The following GALNTL6 variants were observed in gnomAD, a reference collection of about 807,000 sequenced individuals.
GALNTL6 encodes the protein polypeptide N-acetylgalactosaminyltransferase-like 6.
GALNTL6 carries 46 observed loss-of-function variants against 73.7 expected under a neutral mutation model. The ratio of observed to expected loss-of-function variants is 0.62; its 90% CI spans 0.49 to 0.80. The LOEUF (loss-of-function observed/expected upper bound fraction) is 0.80, where lower values mean the gene tolerates loss of function less well. Among genes scored for constraint, GALNTL6 ranks in the 30% least tolerant of loss-of-function variants. The pLI is 0.00. For synonymous variants in GALNTL6, 259 were observed against 263.7 expected (o/e 0.98, Z 0.17); for missense variants, 604 against 755.0 (o/e 0.80, Z 2.34).
At chr4:172,545,352 G>A (rs771374784) in intron 5 of GALNTL6, among the ~76,000 whole-genome samples, 2 of 152,112 alleles carry the variant, frequency 1.3e-5, no homozygotes, top group Non-Finnish European at 2.9e-5. Flanking sequence ...GTGGGTAAGA[G>A]AACGTGAGTG....
intron 9 of GALNTL6, among the ~76,000 whole-genome samples, chr4:172,936,528 C>T (rs1355083675): frequency 1.3e-5 from 2 of 152,280 alleles, no homozygotes; most frequent in Non-Finnish European, 1.5e-5. Context: ...AAAACCCCAC[C>T]GTCTCAGCCC....
At position 173,040,166 on chromosome 4, in the gene GALNTL6, T is replaced by A; in HGVS notation, c.*66T>A. Reference sequence around the variant, plus strand: ...AATTAAATTTTAGCCAGCATCTGGGTCGAAGGAGTCAGGAATAACATTTCC... The same window carrying A: ...AATTAAATTTTAGCCAGCATCTGGGACGAAGGAGTCAGGAATAACATTTCC... On this transcript the variant is annotated 3_prime_UTR_variant, in exon 13 of 13. Coordinates refer to ENST00000506823, the MANE Select transcript of GALNTL6 (RefSeq NM_001034845.3). 1 of 1,232,512 alleles carries A rather than the reference T, an allele frequency of 8.1e-7. No individual in the cohort carries two copies. Among genetic ancestry groups the A allele is most frequent in the Non-Finnish European group, 1.1e-6 (1 of 873,636 alleles). 76.3% of individuals were successfully genotyped at this position (1,232,512 alleles called of 1,614,324 possible).
chr4:172,166,975 A>T (rs2110807902), intron 2 of GALNTL6, among the ~76,000 whole-genome samples: 1 of 152,294 alleles, frequency 6.6e-6, no homozygotes, highest in South Asian at 2.1e-4. Context: ...TAGGAATCAG[A>T]ACTCCTGGGT....
intron 5 of GALNTL6, among the ~76,000 whole-genome samples, chr4:172,388,413 T>C (rs1743549025): frequency 6.6e-6 from 1 of 152,194 alleles, no homozygotes; most frequent in African/African-American, 2.4e-5. Flanking sequence ...GTTCTTTTAG[T>C]GTAAGATAAA....
intron 2 of GALNTL6, among the ~76,000 whole-genome samples, chr4:171,989,308 G>A (rs1024020613): frequency 2.6e-5 from 4 of 152,200 alleles, no homozygotes; most frequent in South Asian, 2.1e-4. Context: ...CCACGAAGCC[G>A]AGAAGATCTG....
At chr4:173,033,591 C>G (rs1753560686) in intron 12 of GALNTL6, among the ~76,000 whole-genome samples, 1 of 152,100 alleles carries the variant, frequency 6.6e-6, no homozygotes, top group African/African-American at 2.4e-5. Flanking sequence ...GGTGGGAAAG[C>G]AGATCTTTTA....
chr4:172,415,648 GC>G (rs1262616887), intron 5 of GALNTL6, among the ~76,000 whole-genome samples: 1 of 152,098 alleles, frequency 6.6e-6, no homozygotes, highest in Non-Finnish European at 1.5e-5. Context: ...GAAGGAAAGG[GC>G]TTTATTCAGC....
At chr4:171,967,269 G>A (rs1385372221) in intron 2 of GALNTL6, among the ~76,000 whole-genome samples, 2 of 152,188 alleles carry the variant, frequency 1.3e-5, no homozygotes, top group African/African-American at 2.4e-5. Context: ...CAACAGGTGT[G>A]CTTGTTTCAT....
At chr4:173,002,656 G>T (rs1023670219) in intron 10 of GALNTL6, among the ~76,000 whole-genome samples, 1 of 151,570 alleles carries the variant, frequency 6.6e-6, no homozygotes, top group Non-Finnish European at 1.5e-5. Context: ...TTAGCCAGGC[G>T]TGGTGGTGCA....
At chr4:172,684,501 C>T (rs1352235915) in intron 5 of GALNTL6, among the ~76,000 whole-genome samples, 1 of 151,942 alleles carries the variant, frequency 6.6e-6, no homozygotes, top group Non-Finnish European at 1.5e-5. Flanking sequence ...AATTAGATGA[C>T]ACACAAAAAA....
rs1211866860 is a variant in GALNTL6, at chr4:172,774,983, TAATAATAATAATAATAATAAA to T, written c.554-34376_554-34356del. Among the ~76,000 whole-genome samples the T allele has an allele frequency of 7.4e-5, 11 of 148,302 alleles. No individual in the cohort carries two copies. The Admixed American group carries it at 7.4e-4, about 10-fold the overall frequency. ...TCAATAATAATAATAATAATAATAA[TAATAATAATAATAATAATAAA>T]ATCCAGAAGATAAGGACTTGGGGAC... On this transcript the variant is annotated intron_variant, in intron 5 of 12. Coordinates refer to ENST00000506823, the MANE Select transcript of GALNTL6 (RefSeq NM_001034845.3).
chr4:173,027,473 C>T (rs1326934220), intron 12 of GALNTL6, among the ~76,000 whole-genome samples: 1 of 152,140 alleles, frequency 6.6e-6, no homozygotes, highest in African/African-American at 2.4e-5. Flanking sequence ...ATACACTGGT[C>T]CATTGTTAAA....
At chr4:172,518,955 T>C (rs1734691819) in intron 5 of GALNTL6, among the ~76,000 whole-genome samples, 3 of 151,834 alleles carry the variant, frequency 2.0e-5, no homozygotes, top group African/African-American at 7.2e-5. Context: ...GGAAAGGATA[T>C]TGGAAAGCAT....
chr4:172,194,556 G>GTTTCTCTATAAACT (rs1735690345), intron 2 of GALNTL6, among the ~76,000 whole-genome samples: 1 of 152,164 alleles, frequency 6.6e-6, no homozygotes. Flanking sequence ...GAAAGGTGAG[G>GTTTCTCTATAAACT]TCGCCTATAA....
chr4:172,953,977 T>G (rs545235055), intron 10 of GALNTL6, among the ~76,000 whole-genome samples: 2 of 152,198 alleles, frequency 1.3e-5, no homozygotes, highest in African/African-American at 2.4e-5. Flanking sequence ...CTACAGTTTT[T>G]TTTGTTTGTT....
intron 5 of GALNTL6, among the ~76,000 whole-genome samples, chr4:172,410,370 A>G (rs1416694353): frequency 1.3e-5 from 2 of 152,154 alleles, no homozygotes; most frequent in East Asian, 3.9e-4. Context: ...TTAATTTAAC[A>G]CCTGAATAGA....
intron 2 of GALNTL6, among the ~76,000 whole-genome samples, chr4:172,074,376 T>G (rs1731640498): frequency 6.6e-6 from 1 of 152,174 alleles, no homozygotes; most frequent in Non-Finnish European, 1.5e-5. Context: ...GAGAAGGAAT[T>G]AATGAAGCAA....
intron 2 of GALNTL6, among the ~76,000 whole-genome samples, chr4:171,925,502 TA>T (rs1443091979): frequency 6.6e-6 from 1 of 152,148 alleles, no homozygotes; most frequent in East Asian, 1.9e-4. Flanking sequence ...GGGAAAAAAC[TA>T]GGTGTCTAAG....
chr4:172,409,335 C>G (rs1472709080), intron 5 of GALNTL6, among the ~76,000 whole-genome samples: 1 of 151,752 alleles, frequency 6.6e-6, no homozygotes, highest in Non-Finnish European at 1.5e-5. Context: ...TTTAGGGACC[C>G]CATTATCAAT....
Sources: gnomAD v4.1 joint callset for allele counts (sites outside exome capture counted in the v4.1 genomes callset) on GRCh38, gnomAD v4.1.1 for gene constraint, MANE v1.5 for transcripts, NCBI Gene and HGNC (gene_info 2026-07-23, HGNC 2026-07-21) for gene names.